Variants in PCYT2 observed in about 807,000 individuals in gnomAD.
The protein encoded by PCYT2 is phosphate cytidylyltransferase 2, ethanolamine.
Under a neutral mutation model 50.0 loss-of-function variants are expected in PCYT2, and 33 were observed. The observed-to-expected ratio is 0.66, with a 90% CI of 0.50 to 0.88. The LOEUF (loss-of-function observed/expected upper bound fraction) is 0.88. Ranked by LOEUF, PCYT2 falls within the 40% of genes least tolerant of loss-of-function variation. PCYT2 has a pLI of 0.00. For synonymous variants in PCYT2, 240 were observed against 203.7 expected, an observed-to-expected ratio of 1.18 and a Z score of -1.52; for missense variants, 430 against 519.7, an observed-to-expected ratio of 0.83 and a Z score of 1.68.
At position 81,908,871 on chromosome 17, in the gene PCYT2, C is replaced by T. The variant is rs749716491; in HGVS notation, c.340+5G>A. 3.7e-6 allele frequency: 6 copies of T among 1,612,082 alleles called. No individual in the cohort carries two copies. In the Admixed American group the frequency reaches 5.0e-5, roughly 13 times the overall value. On this transcript the variant is annotated splice_donor_5th_base_variant and intron_variant, in intron 3 of 12. Transcript: ENST00000538936. ...AGGCCCCCAGGTCCCAGCCCCGCCA[C>T]TCACTGCCGTGAACACAGAAGTCAC...
In PCYT2 at chr17:81,901,327, G is replaced by T. The variant is rs1323562214; in HGVS notation, c.*3506C>A. On this transcript the variant is annotated 3_prime_UTR_variant, in exon 13 of 13. Coordinates refer to ENST00000538936, the MANE Select transcript of PCYT2 (RefSeq NM_002861.5). The stretch of plus-strand genomic sequence containing the variant: ...TAGGTGGTGCCCACCTGGATTGAGG[G>T]TGGGTCTGCCTCTCCCAGCCCACTG... 2 of 152,248 alleles carry T rather than the reference G, an allele frequency of 1.3e-5. No individual in the cohort carries two copies. The highest frequency in any genetic ancestry group is 2.9e-5 in the Non-Finnish European group (2 of 68,088). 9.4% of individuals were successfully genotyped at this position (152,248 alleles called of 1,614,324 possible). A position where few individuals can be genotyped will look rare whatever the true frequency, so the allele number is the denominator to read the frequency against.
rs367749547 is a variant in PCYT2 at position 81,905,409 on chromosome 17, A to G, written c.942T>C (p.Pro314=). The change falls in exon 11 of 13, where the codon CCT becomes CCC. Residue 314 remains proline, a synonymous_variant. Coordinates refer to ENST00000538936, the MANE Select transcript of PCYT2 (RefSeq NM_002861.5). Reference sequence around the variant, plus strand: ...GGTATGGGTCGGAGCCATCCCTGTCAGGGATAATTTCTGTCTTGCCGTGAC... The same window carrying G: ...GGTATGGGTCGGAGCCATCCCTGTCGGGGATAATTTCTGTCTTGCCGTGAC... The part of the protein sequence containing the change: ...LVCHGKTEII[P]DRDGSDPYQE... 28 of 1,564,382 alleles carry G rather than the reference A, an allele frequency of 1.8e-5. No homozygotes were observed. In the African/African-American group the frequency reaches 3.7e-4, roughly 21 times the overall value.
chr17:81,907,452 T>C, intron 6 of PCYT2, 102 bp downstream of exon 6: 1 of 1,325,368 alleles, frequency 7.5e-7, no homozygotes, highest in South Asian at 1.3e-5. Flanking sequence ...GGGAGGAGGG[T>C]GAGGCTCTGG....
chr17:81,909,254 G>T, intron 2 of PCYT2: 2 of 1,429,988 alleles, frequency 1.4e-6, no homozygotes, highest in Non-Finnish European at 1.8e-6. Flanking sequence ...TGACGAGCAG[G>T]TGCTCAGCCC....
chr17:81,905,644 C>A, intron 10 of PCYT2, 26 bp downstream of exon 10: 1 of 1,606,668 alleles, frequency 6.2e-7, no homozygotes, highest in Non-Finnish European at 8.5e-7. Context: ...ACAGAGGGAA[C>A]GAGGTGAGCC....
intron 1 of PCYT2, chr17:81,910,843 C>T: frequency 3.1e-6 from 3 of 977,900 alleles, no homozygotes; most frequent in Non-Finnish European, 2.4e-6. Context: ...GAGGAGGACC[C>T]GGGAGCCCGC....
At chr17:81,908,343 C>A (rs548424159) in intron 4 of PCYT2, among the ~76,000 whole-genome samples, 1 of 152,366 alleles carries the variant, frequency 6.6e-6, no homozygotes, top group East Asian at 1.9e-4. Flanking sequence ...CAAAGCTGTG[C>A]CTTTGGAGCC....
Position 81,902,126 on chromosome 17 carries a change from C to G in PCYT2, c.*2707G>C, listed in dbSNP as rs954317969. The G allele has an allele frequency of 1.6e-6, 1 of 634,500 alleles. No individual in the cohort carries two copies. The highest frequency in any genetic ancestry group is 2.2e-6 in the Non-Finnish European group (1 of 462,684). The allele number at this position is 634,500 out of a possible 1,614,324, so 39.3% of individuals were successfully genotyped here. A position where few individuals can be genotyped will look rare whatever the true frequency, so the allele number is the denominator to read the frequency against. On this transcript the variant is annotated 3_prime_UTR_variant, in exon 13 of 13. Coordinates refer to ENST00000538936, the MANE Select transcript of PCYT2 (RefSeq NM_002861.5). ...CCTTTGGGATGCGGAGGTGCGACGG[C>G]TCCTCCGCGCGCGCCCGCTGCACCC...
intron 9 of PCYT2, 45 bp from the exon 10 acceptor site, chr17:81,905,780 C>A: frequency 6.3e-7 from 1 of 1,585,624 alleles, no homozygotes; most frequent in Non-Finnish European, 8.7e-7. Flanking sequence ...GTCCCTGCTA[C>A]TGGTAAGCCA....
rs755634442 is a variant in PCYT2 at position 81,907,015 on chromosome 17, C to T, written c.538-117G>A. On this transcript the variant is annotated intron_variant, in intron 6 of 12. Transcript: ENST00000538936. ...CAATCCCATTTCCAGCCAGTCATCTCGGGCAGGGGACACACTGCCAGGCCA... is the reference window on the plus strand; with the variant it reads ...CAATCCCATTTCCAGCCAGTCATCTTGGGCAGGGGACACACTGCCAGGCCA... 4.7e-6 allele frequency: 6 copies of T among 1,282,076 alleles called. No homozygotes were observed. The South Asian group carries it at 7.0e-5, about 15-fold the overall frequency. The allele number at this position is 1,282,076 out of a possible 1,614,324, so 79.4% of individuals were successfully genotyped here. A position where few individuals can be genotyped will look rare whatever the true frequency, so the allele number is the denominator to read the frequency against.
chr17:81,908,503 G>A lies in PCYT2; in HGVS notation c.407+65C>T, dbSNP rs572259829. Reference sequence around the variant, plus strand: ...TCACGGGCTCCCGGTAAATAGCAAAGCACGAGCCAGGAGGGAGCCCCGTGT... The same window carrying A: ...TCACGGGCTCCCGGTAAATAGCAAAACACGAGCCAGGAGGGAGCCCCGTGT... On this transcript the variant is annotated intron_variant, in intron 4 of 12. Transcript: ENST00000538936. 1.3e-4 allele frequency: 170 copies of A among 1,277,662 alleles called. 1 individual carries two copies. The highest frequency in any genetic ancestry group is 1.1e-6 in the Non-Finnish European group (1 of 882,860). The allele number at this position is 1,277,662 out of a possible 1,614,324, so 79.1% of individuals were successfully genotyped here.
In PCYT2 at chr17:81,906,458, A is replaced by C. The variant is rs1397001715; in HGVS notation, c.759+6T>G. On this transcript the variant is annotated splice_donor_region_variant and intron_variant, in intron 8 of 12. Transcript: ENST00000538936. ...CCAGGGGCCCAGGGAGCAAGAAGGC[A>C]GTGACCTGGTCAAAGTGTAAGCCCG... 3 of 1,612,568 alleles carry C rather than the reference A, an allele frequency of 1.9e-6. No individual in the cohort carries two copies. Among genetic ancestry groups the C allele is most frequent in the Non-Finnish European group, 2.5e-6 (3 of 1,179,318 alleles).
Position 81,905,056 on chromosome 17 carries a change from CCAACT to C in PCYT2, c.1058+5_1058+9del. 1 of 1,607,620 alleles carries C rather than the reference CCAACT, an allele frequency of 6.2e-7. No individual in the cohort carries two copies. Among genetic ancestry groups the C allele is most frequent in the Non-Finnish European group, 8.5e-7 (1 of 1,175,956 alleles). On this transcript the variant is annotated splice_donor_5th_base_variant and intron_variant, in intron 12 of 12. Transcript: ENST00000538936. ...TGAGGCGGCTCCGAGGTGCCCCCAC[CCAACT>C]GCACCTGTTGGTGATGATCCGCTGG... is the stretch of plus-strand genomic sequence containing the variant.
In PCYT2 at chr17:81,908,994, C is replaced by T. The variant is rs2040432423; in HGVS notation, c.222G>A (p.Glu74=). ...TGGCCTGCACCATCTTGTATCTCTC[C>T]TCCTGAGTGAACACCGGGGGCCCCT... The part of the protein sequence containing the change: ...KHKGPPVFTQ[E]ERYKMVQAIK... The change falls in exon 3 of 13, where the codon GAG becomes GAA. Residue 74 remains glutamate, a synonymous_variant. Transcript: ENST00000538936. 6.2e-7 allele frequency: 1 copy of T among 1,614,018 alleles called. No homozygotes were observed. The highest frequency in any genetic ancestry group is 1.1e-5 in the South Asian group (1 of 91,086).
intron 3 of PCYT2, 61 bp from the exon 4 acceptor site, chr17:81,908,695 C>T (rs1010661188): frequency 8.8e-6 from 13 of 1,480,912 alleles, no homozygotes; most frequent in African/African-American, 5.5e-5. Flanking sequence ...CCTTCAGAGC[C>T]CAGGACCCTC....
At position 81,904,873 on chromosome 17, in the gene PCYT2, T is replaced by C. The variant is rs201073746; in HGVS notation, c.1130A>G (p.Gln377Arg). The C allele has an allele frequency of 1.2e-6, 2 of 1,612,934 alleles. No homozygotes were observed. The highest frequency in any genetic ancestry group is 1.7e-6 in the Non-Finnish European group (2 of 1,179,892). Reference protein sequence around the residue: ...ELAFLEAARQQAAQPLGERDG... With the variant: ...ELAFLEAARQRAAQPLGERDG... ...GCGCTCCCCCAGGGGCTGTGCCGCCTGCTGCCTGGCAGCCTCCAGGAAGGC... is the reference window on the plus strand; with the variant it reads ...GCGCTCCCCCAGGGGCTGTGCCGCCCGCTGCCTGGCAGCCTCCAGGAAGGC... Residue 377 changes from glutamine (Q) to arginine (R), a missense_variant, in exon 13 of 13, where the codon CAG becomes CGG. By Grantham distance (43) the Gln-to-Arg change is conservative. Transcript: ENST00000538936.
chr17:81,905,189 C>T, intron 11 of PCYT2, 35 bp from the exon 12 acceptor site: 3 of 1,552,664 alleles, frequency 1.9e-6, no homozygotes, highest in Non-Finnish European at 2.6e-6. Flanking sequence ...GGATGAAGGT[C>T]CCTGCTGACC....
intron 6 of PCYT2, chr17:81,907,165 T>C (rs1216448567): frequency 1.3e-6 from 2 of 1,481,806 alleles, no homozygotes; most frequent in Admixed American, 2.2e-5. Flanking sequence ...ACACAGCCCT[T>C]GGGAGGGACC....
chr17:81,908,774 C>G, intron 3 of PCYT2, 102 bp downstream of exon 3: 9 of 1,371,976 alleles, frequency 6.6e-6, no homozygotes, highest in African/African-American at 2.9e-5. Flanking sequence ...GTCTCAGATC[C>G]TCAAAGGGCG....
Sources: allele counts gnomAD v4.1 joint callset (sites outside exome capture counted in the v4.1 genomes callset), GRCh38; gene constraint gnomAD v4.1.1; transcripts MANE v1.5; gene names NCBI Gene and HGNC (gene_info 2026-07-23, HGNC 2026-07-21).